Variants in ADAM2 observed in about 807,000 individuals in gnomAD.
ADAM2 encodes disintegrin and metalloproteinase domain-containing protein 2.
In ADAM2, 101 loss-of-function variants were observed where a neutral mutation model predicts 99.3. That is an observed-to-expected ratio of 1.02 (90% confidence interval 0.87 to 1.20). The LOEUF is 1.20. Among genes scored for constraint, ADAM2 ranks in the 50% most tolerant of loss-of-function variants. The pLI is 0.00. For missense variants in ADAM2, 948 were observed against 878.7 expected, an observed-to-expected ratio of 1.08 and a Z score of -1.00; for synonymous variants, 323 against 287.6, an observed-to-expected ratio of 1.12 and a Z score of -1.25.
At chr8:39,785,488 C>T (rs552631489) in intron 10 of ADAM2, among the ~76,000 whole-genome samples, 23 of 152,290 alleles carry the variant, frequency 1.5e-4, no homozygotes, top group African/African-American at 5.3e-4. Flanking sequence ...ACAGAACTAC[C>T]ATTCAATCCA....
In ADAM2 at chr8:39,749,849, G is replaced by A. The variant is rs976416487; in HGVS notation, c.1798-105C>T. Reference sequence around the variant, plus strand: ...CATATTACCATGGACTAATAAAAAGGGTATTGATTTAGCAACAAGAATTAG... The same window carrying A: ...CATATTACCATGGACTAATAAAAAGAGTATTGATTTAGCAACAAGAATTAG... On this transcript the variant is annotated intron_variant, in intron 16 of 20. Transcript: ENST00000265708. 29 of 769,008 alleles carry A rather than the reference G, an allele frequency of 3.8e-5. No homozygotes were observed. The African/African-American group carries it at 3.9e-4, about 10-fold the overall frequency. The allele number at this position is 769,008 out of a possible 1,614,324, so 47.6% of individuals were successfully genotyped here.
At chr8:39,794,348 T>G (rs1295873190) in intron 7 of ADAM2, among the ~76,000 whole-genome samples, 1 of 152,168 alleles carries the variant, frequency 6.6e-6, no homozygotes, top group Non-Finnish European at 1.5e-5. Flanking sequence ...AATATGGGAA[T>G]GAATTCAAAT....
At chr8:39,819,004 A>AT (rs1805065844) in intron 6 of ADAM2, among the ~76,000 whole-genome samples, 2 of 152,028 alleles carry the variant, frequency 1.3e-5, no homozygotes, top group South Asian at 2.1e-4. Flanking sequence ...CCTGGGTGCC[A>AT]TTTTTTGGAA....
intron 7 of ADAM2, among the ~76,000 whole-genome samples, chr8:39,801,361 G>T (rs778199533): frequency 1.6e-4 from 25 of 152,140 alleles, no homozygotes; most frequent in Non-Finnish European, 3.4e-4. Flanking sequence ...ACTCAAGAAG[G>T]CTGGAGAGCA....
intron 14 of ADAM2, 35 bp downstream of exon 14, chr8:39,766,813 A>G (rs932691167): frequency 6.8e-7 from 1 of 1,463,010 alleles, no homozygotes; most frequent in Non-Finnish European, 9.3e-7. Context: ...TCCAGAAAAA[A>G]ACGCATATAT....
intron 7 of ADAM2, among the ~76,000 whole-genome samples, chr8:39,807,161 G>C (rs1284588833): frequency 6.6e-6 from 1 of 152,176 alleles, no homozygotes; most frequent in Non-Finnish European, 1.5e-5. Flanking sequence ...CATTATTCTT[G>C]AGGCTTACAA....
chr8:39,780,884 T>A (rs911406696), intron 10 of ADAM2, among the ~76,000 whole-genome samples: 5 of 152,208 alleles, frequency 3.3e-5, no homozygotes, highest in Admixed American at 6.5e-5. Flanking sequence ...GGTTTGAAAC[T>A]TGTAGAGAAA....
chr8:39,826,480 T>C (rs1397636897), intron 3 of ADAM2, among the ~76,000 whole-genome samples: 1 of 152,000 alleles, frequency 6.6e-6, no homozygotes, highest in Non-Finnish European at 1.5e-5. Context: ...TCCCAGCACT[T>C]TGGAAAGCCG....
chr8:39,766,183 T>C (rs1053066361), intron 14 of ADAM2, among the ~76,000 whole-genome samples: 2 of 152,194 alleles, frequency 1.3e-5, no homozygotes, highest in African/African-American at 2.4e-5. Flanking sequence ...ACTGTATTTA[T>C]ATGACAACTT....
intron 3 of ADAM2, among the ~76,000 whole-genome samples, chr8:39,832,208 G>C (rs1246217279): frequency 1.3e-5 from 2 of 152,106 alleles, no homozygotes; most frequent in African/African-American, 4.8e-5. Flanking sequence ...CTCAGAAATG[G>C]TCATGTTGCC....
At chr8:39,777,262 A>C in intron 10 of ADAM2, 101 bp from the exon 11 acceptor site, 1 of 879,944 alleles carries the variant, frequency 1.1e-6, no homozygotes, top group South Asian at 2.0e-5. Flanking sequence ...GAATAGGGGC[A>C]TCTGTTATCC....
At chr8:39,769,641 A>AACCTAT in intron 11 of ADAM2, 66 bp from the exon 12 acceptor site, 1 of 1,074,668 alleles carries the variant, frequency 9.3e-7, no homozygotes, top group Non-Finnish European at 1.4e-6. Context: ...CCTTAGAATA[A>AACCTAT]ACCTATACAA....
At chr8:39,799,112 G>T (rs1001154589) in intron 7 of ADAM2, among the ~76,000 whole-genome samples, 1 of 151,934 alleles carries the variant, frequency 6.6e-6, no homozygotes, top group African/African-American at 2.4e-5. Flanking sequence ...TGCCTCTCTA[G>T]CTCTTTTAAT....
At chr8:39,830,130 T>G (rs1164352596) in intron 3 of ADAM2, among the ~76,000 whole-genome samples, 2 of 152,172 alleles carry the variant, frequency 1.3e-5, no homozygotes, top group African/African-American at 4.8e-5. Context: ...ACATATTTTA[T>G]ATTTTAATGT....
At chr8:39,806,521 CAT>C (rs760778657) in intron 7 of ADAM2, among the ~76,000 whole-genome samples, 9 of 147,520 alleles carry the variant, frequency 6.1e-5, no homozygotes, top group Non-Finnish European at 7.4e-5. Context: ...TTATTATAAA[CAT>C]ATTATATATA....
chr8:39,821,052 C>T lies in ADAM2; in HGVS notation c.463G>A (p.Glu155Lys). 1 of 1,604,368 alleles carries T rather than the reference C, an allele frequency of 6.2e-7. No homozygotes were observed. Among genetic ancestry groups the T allele is most frequent in the Non-Finnish European group, 8.5e-7 (1 of 1,173,228 alleles). Residue 155 changes from glutamate to lysine, a missense_variant, in exon 6 of 21, where the codon GAG becomes AAG. Glu to Lys is a moderately conservative substitution (Grantham distance 56, BLOSUM62 1). Coordinates refer to ENST00000265708, the MANE Select transcript of ADAM2 (RefSeq NM_001464.5). ...AGATCTCTTGATTCAATATCCTTCT[C>T]ATTATATAAGGAAACATCTGCTTTC... Reference protein sequence around the residue: ...HKKADVSLYNEKDIESRDLSF... With the variant: ...HKKADVSLYNKKDIESRDLSF...
At chr8:39,800,214 G>A (rs1015667446) in intron 7 of ADAM2, among the ~76,000 whole-genome samples, 2 of 152,184 alleles carry the variant, frequency 1.3e-5, no homozygotes, top group African/African-American at 2.4e-5. Flanking sequence ...TTGCAGGACA[G>A]ACCTGGTAGT....
intron 3 of ADAM2, among the ~76,000 whole-genome samples, chr8:39,828,436 T>G (rs1213326484): frequency 6.6e-6 from 1 of 151,774 alleles, no homozygotes; most frequent in Non-Finnish European, 1.5e-5. Context: ...AAAGAATGTA[T>G]AACAAATAAT....
chr8:39,762,039 G>A (rs1168266937), intron 14 of ADAM2, among the ~76,000 whole-genome samples: 3 of 152,198 alleles, frequency 2.0e-5, no homozygotes, highest in African/African-American at 4.8e-5. Flanking sequence ...AGCCGAGATC[G>A]CGCCATTGCA....
Sources: allele counts gnomAD v4.1 joint callset (sites outside exome capture counted in the v4.1 genomes callset), GRCh38; gene constraint gnomAD v4.1.1; transcripts MANE v1.5; gene names NCBI Gene and HGNC (gene_info 2026-07-23, HGNC 2026-07-21).